Variants in HSPA12A observed in about 807,000 individuals in gnomAD.
HSPA12A encodes heat shock protein family A (Hsp70) member 12A, also known as heat shock 70 kDa protein 12A.
A neutral mutation model predicts 69.2 loss-of-function variants in HSPA12A; 28 were observed. The observed-to-expected ratio is 0.40, with a 90% CI of 0.30 to 0.55. HSPA12A has a LOEUF of 0.55. HSPA12A is among the 20% of genes least tolerant of loss of function. HSPA12A has a pLI of 0.38. For synonymous variants in HSPA12A, 345 were observed against 370.5 expected (o/e 0.93, Z 0.79); for missense variants, 686 against 900.7 (o/e 0.76, Z 3.05).
intron 2 of HSPA12A, among the ~76,000 whole-genome samples, chr10:116,814,662 G>A (rs1301161593): frequency 6.6e-6 from 1 of 152,162 alleles, no homozygotes; most frequent in Admixed American, 6.6e-5. Flanking sequence ...CCAGGACTTG[G>A]GCCAGACTAG....
chr10:116,829,890 T>C (rs970246248), intron 2 of HSPA12A: 1 of 152,200 alleles, frequency 6.6e-6, no homozygotes, highest in Non-Finnish European at 1.5e-5. Flanking sequence ...CTTTTGGGTT[T>C]GTGCTAAGGC....
At chr10:116,753,281 C>T (rs1439421253) in intron 2 of HSPA12A, among the ~76,000 whole-genome samples, 1 of 152,134 alleles carries the variant, frequency 6.6e-6, no homozygotes, top group Non-Finnish European at 1.5e-5. Context: ...TCCCATTCAG[C>T]CTCTTTCCAG....
At chr10:116,805,610 C>T (rs962420391) in intron 2 of HSPA12A, among the ~76,000 whole-genome samples, 1 of 152,018 alleles carries the variant, frequency 6.6e-6, no homozygotes, top group Non-Finnish European at 1.5e-5. Context: ...TGTGTTTGTC[C>T]TTGAAAAAAA....
At chr10:116,790,730 G>A (rs565059095) in intron 2 of HSPA12A, among the ~76,000 whole-genome samples, 8 of 151,946 alleles carry the variant, frequency 5.3e-5, no homozygotes, top group Admixed American at 2.6e-4. Context: ...TCACTCCGTC[G>A]CCCAGGCTGG....
chr10:116,824,997 G>A (rs1025838899), intron 2 of HSPA12A, among the ~76,000 whole-genome samples: 6 of 151,136 alleles, frequency 4.0e-5, no homozygotes, highest in East Asian at 2.1e-4. Flanking sequence ...AGATCAGCCC[G>A]GGCAACATGG....
intron 1 of HSPA12A, among the ~76,000 whole-genome samples, chr10:116,720,442 C>T (rs935236417): frequency 2.6e-5 from 4 of 152,182 alleles, no homozygotes; most frequent in African/African-American, 7.2e-5. Flanking sequence ...GGCACAGGGC[C>T]GGGGCAGCGC....
intron 7 of HSPA12A, 71 bp from the exon 8 acceptor site, chr10:116,681,948 T>G (rs782185091): frequency 6.8e-5 from 94 of 1,385,160 alleles, no homozygotes; most frequent in Admixed American, 1.2e-4. Flanking sequence ...TTGCAGTCAG[T>G]GAAGGCAATA....
At chr10:116,827,110 G>A (rs1288530374) in intron 2 of HSPA12A, among the ~76,000 whole-genome samples, 27 of 152,160 alleles carry the variant, frequency 1.8e-4, no homozygotes. Flanking sequence ...CACACACTGG[G>A]GAAAAACTGA....
At chr10:116,730,583 C>CAGT (rs1851119200) in intron 1 of HSPA12A, among the ~76,000 whole-genome samples, 2 of 152,338 alleles carry the variant, frequency 1.3e-5, no homozygotes, top group South Asian at 4.1e-4. Flanking sequence ...ATTCTAAAGC[C>CAGT]CACTCTGTCT....
chr10:116,741,068 A>G (rs1358539528), intron 1 of HSPA12A, among the ~76,000 whole-genome samples: 1 of 151,278 alleles, frequency 6.6e-6, no homozygotes, highest in Non-Finnish European at 1.5e-5. Flanking sequence ...GAGGAAGAGT[A>G]CAGGCGGGGA....
At chr10:116,823,073 A>C (rs1278789171) in intron 2 of HSPA12A, among the ~76,000 whole-genome samples, 4 of 152,244 alleles carry the variant, frequency 2.6e-5, no homozygotes, top group Non-Finnish European at 5.9e-5. Flanking sequence ...GTTAGAGTAC[A>C]GAATCATATC....
rs1443983810 is a variant in HSPA12A, at chr10:116,672,168, G to C, written c.*2613C>G. On this transcript the variant is annotated 3_prime_UTR_variant, in exon 12 of 12. Transcript: ENST00000369209. The stretch of plus-strand genomic sequence containing the variant: ...TACACTTAGCCCAGCAGAAAAGCTG[G>C]GCTTATGTACCACTTGGTTTCTTTC... 1 of 152,178 alleles carries C rather than the reference G, an allele frequency of 6.6e-6. No individual in the cohort carries two copies. The highest frequency in any genetic ancestry group is 1.5e-5 in the Non-Finnish European group (1 of 68,042). 9.4% of individuals were successfully genotyped at this position (152,178 alleles called of 1,614,324 possible).
At chr10:116,811,850 G>C (rs1039442333) in intron 2 of HSPA12A, among the ~76,000 whole-genome samples, 1 of 152,168 alleles carries the variant, frequency 6.6e-6, no homozygotes, top group Non-Finnish European at 1.5e-5. Flanking sequence ...ACATGGGAAG[G>C]GATTCAGTGA....
chr10:116,846,468 G>T (rs566063176), intron 1 of HSPA12A, among the ~76,000 whole-genome samples: 2 of 151,790 alleles, frequency 1.3e-5, no homozygotes, highest in Non-Finnish European at 2.9e-5. Context: ...TCCTGCCTCA[G>T]CCTCCCGAGT....
At chr10:116,804,792 G>A (rs1845033582) in intron 2 of HSPA12A, among the ~76,000 whole-genome samples, 1 of 152,134 alleles carries the variant, frequency 6.6e-6, no homozygotes, top group Non-Finnish European at 1.5e-5. Context: ...CTTGGGGCTG[G>A]GAGAAAAATA....
chr10:116,814,618 C>G (rs1012135439), intron 2 of HSPA12A, among the ~76,000 whole-genome samples: 1 of 152,216 alleles, frequency 6.6e-6, no homozygotes, highest in Non-Finnish European at 1.5e-5. Context: ...CCTGATGACC[C>G]CTCATCCAGC....
At chr10:116,711,210 C>T (rs1850415052) in intron 1 of HSPA12A, among the ~76,000 whole-genome samples, 1 of 152,130 alleles carries the variant, frequency 6.6e-6, no homozygotes, top group South Asian at 2.1e-4. Context: ...TCCACTGCTT[C>T]TATAAAGCTA....
Position 116,725,929 on chromosome 10 carries a change from G to A in HSPA12A, c.40+16501C>T, listed in dbSNP as rs114146515. Among the ~76,000 whole-genome samples the A allele has an allele frequency of 6.0e-3, 912 of 151,862 alleles. 17 individuals carry two copies. The highest frequency in any genetic ancestry group is 0.021 in the African/African-American group (874 of 41,418). ...TGCTATCTTAAGGCCTGCCTCTACCGGCATAGGACTCCGTTTACAGAATGC... is the reference window on the plus strand; with the variant it reads ...TGCTATCTTAAGGCCTGCCTCTACCAGCATAGGACTCCGTTTACAGAATGC... On this transcript the variant is annotated intron_variant, in intron 1 of 11. Transcript: ENST00000369209.
chr10:116,795,096 C>A (rs1844788689), intron 2 of HSPA12A, among the ~76,000 whole-genome samples: 1 of 151,968 alleles, frequency 6.6e-6, no homozygotes, highest in African/African-American at 2.4e-5. Context: ...TAAATAAAAG[C>A]AAAATAAACC....
Sources: allele counts gnomAD v4.1 joint callset (sites outside exome capture counted in the v4.1 genomes callset), GRCh38; gene constraint gnomAD v4.1.1; transcripts MANE v1.5; gene names NCBI Gene and HGNC (gene_info 2026-07-23, HGNC 2026-07-21).